Variants in BIRC3 observed in about 807,000 individuals in gnomAD.
BIRC3 encodes the protein baculoviral IAP repeat-containing protein 3.
BIRC3 carries 26 observed loss-of-function variants against 59.0 expected under a neutral mutation model. The ratio of observed to expected loss-of-function variants is 0.44; its 90% CI spans 0.32 to 0.61. The LOEUF (loss-of-function observed/expected upper bound fraction) is 0.61. BIRC3 is among the 20% of genes least tolerant of loss of function. The probability of loss-of-function intolerance (pLI) is 0.04; values close to 1 mark genes in which losing one functional copy is unlikely to be tolerated. For synonymous variants in BIRC3, 243 were observed against 249.2 expected (o/e 0.98, Z 0.24); for missense variants, 641 against 711.5 (o/e 0.90, Z 1.13).
chr11:102,333,198 C>T (rs748713461), intron 6 of BIRC3, among the ~76,000 whole-genome samples: 18 of 151,954 alleles, frequency 1.2e-4, no homozygotes, highest in Non-Finnish European at 2.1e-4. Context: ...TTAATGATTA[C>T]GTTATAGTTT....
Position 102,337,673 on chromosome 11 carries a change from A to T in BIRC3, c.*571A>T, listed in dbSNP as rs967785981. 1 of 305,526 alleles carries T rather than the reference A, an allele frequency of 3.3e-6. No individual in the cohort carries two copies. 18.9% of individuals were successfully genotyped at this position (305,526 alleles called of 1,614,324 possible). A position where few individuals can be genotyped will look rare whatever the true frequency, so the allele number is the denominator to read the frequency against. On this transcript the variant is annotated 3_prime_UTR_variant, in exon 9 of 9. Coordinates refer to ENST00000263464, the MANE Select transcript of BIRC3 (RefSeq NM_001165.5). ...ATATGTTGAATGACATTTTAGGGACATGGTGTTTTTATAAAGAATTCTGTG... is the reference window on the plus strand; with the variant it reads ...ATATGTTGAATGACATTTTAGGGACTTGGTGTTTTTATAAAGAATTCTGTG...
chr11:102,319,104 T>A (rs2135780379), intron 1 of BIRC3, among the ~76,000 whole-genome samples: 1 of 150,208 alleles, frequency 6.7e-6, no homozygotes, highest in African/African-American at 2.5e-5. Flanking sequence ...AGTGCAGTGG[T>A]GCAGTCTCGG....
At position 102,336,075 on chromosome 11, in the gene BIRC3, A is replaced by G. The variant is rs1951193015; in HGVS notation, c.1434A>G (p.Glu478=). 1.9e-6 allele frequency: 3 copies of G among 1,613,954 alleles called. No homozygotes were observed. The East Asian group carries it at 6.7e-5, about 36-fold the overall frequency. Residue 478 remains glutamate (E), a synonymous_variant, in exon 7 of 9, where the codon GAA becomes GAG. Transcript: ENST00000263464. ...LLTAGIINEQ[E]HDVIKQKTQT... is the part of the protein sequence containing the mutation. ...CTGCCGGAATTATTAATGAACAAGA[A>G]CATGATGTTATTAAACAGAAGACAC...
Position 102,328,959 on chromosome 11 carries a change from A to T in BIRC3, c.1081+14A>T, listed in dbSNP as rs770522742. ...CAGAGTCATCAAGTAAGTACAATGG[A>T]TAATAATGAATGCATTTAAATAGAG... On this transcript the variant is annotated intron_variant, in intron 5 of 8. Coordinates refer to ENST00000263464, the MANE Select transcript of BIRC3 (RefSeq NM_001165.5). 9 of 1,430,028 alleles carry T rather than the reference A, an allele frequency of 6.3e-6. No individual in the cohort carries two copies. The highest frequency in any genetic ancestry group is 7.4e-6 in the Non-Finnish European group (8 of 1,075,596). The allele number at this position is 1,430,028 out of a possible 1,614,324, so 88.6% of individuals were successfully genotyped here.
At chr11:102,336,841 C>T in intron 8 of BIRC3, 40 bp downstream of exon 8, 3 of 1,587,240 alleles carry the variant, frequency 1.9e-6, no homozygotes, top group Non-Finnish European at 1.7e-6. Context: ...AGAACATTGT[C>T]TTTATTTTCT....
At position 102,324,933 on chromosome 11, in the gene BIRC3, C is replaced by A. The variant is rs1303042512; in HGVS notation, c.424C>A (p.Pro142Thr). 1 of 1,614,216 alleles carries A rather than the reference C, an allele frequency of 6.2e-7. No homozygotes were observed. The highest frequency in any genetic ancestry group is 1.7e-5 in the Admixed American group (1 of 60,030). The change falls in exon 2 of 9, where the codon CCA (proline) becomes ACA (threonine). Residue 142 changes from proline to threonine, a missense_variant. By Grantham distance (38) the Pro-to-Thr change is conservative. Coordinates refer to ENST00000263464, the MANE Select transcript of BIRC3 (RefSeq NM_001165.5). ...GYFRGSYSNS[P>T]SNPVNSRANQ... ...TTTCCGTGGCTCTTATTCAAACTCTCCATCAAATCCTGTAAACTCCAGAGC... is the reference window on the plus strand; with the variant it reads ...TTTCCGTGGCTCTTATTCAAACTCTACATCAAATCCTGTAAACTCCAGAGC...
chr11:102,320,496 C>T (rs1481555904), intron 1 of BIRC3: 3 of 152,140 alleles, frequency 2.0e-5, no homozygotes, highest in Non-Finnish European at 4.4e-5. Context: ...AACACCTGGG[C>T]TCAAGCAATC....
In BIRC3 at chr11:102,336,163, A is replaced by T. The variant is rs747155453; in HGVS notation, c.1522A>T (p.Thr508Ser). 3.2e-5 allele frequency: 51 copies of T among 1,613,772 alleles called. No individual in the cohort carries two copies. The highest frequency in any genetic ancestry group is 4.2e-5 in the Non-Finnish European group (50 of 1,179,894). Residue 508 changes from threonine (T) to serine (S), a missense_variant, in exon 7 of 9, where the codon ACT becomes TCT. Physicochemically the swap from Thr to Ser is moderately conservative, Grantham distance 58. Transcript: ENST00000263464. ...TTTAGTAAAAGGAAATATTGCAGCC[A>T]CTGTATTCAGAAACTCTCTGCAAGA... ...TILVKGNIAA[T>S]VFRNSLQEAE...
intron 1 of BIRC3, among the ~76,000 whole-genome samples, chr11:102,317,974 T>A (rs1950988385): frequency 6.6e-6 from 1 of 152,188 alleles, no homozygotes; most frequent in Non-Finnish European, 1.5e-5. Context: ...GGACGCATGT[T>A]TCCAAGCGGT....
chr11:102,334,519 T>C (rs1951176753), intron 6 of BIRC3, among the ~76,000 whole-genome samples: 2 of 152,208 alleles, frequency 1.3e-5, no homozygotes, highest in Non-Finnish European at 2.9e-5. Flanking sequence ...TTATTCTTTC[T>C]TAAATGGTTC....
chr11:102,321,783 C>T (rs1951032939), intron 1 of BIRC3, 54 bp from the exon 2 acceptor site: 1 of 175,362 alleles, frequency 5.7e-6, no homozygotes, highest in African/African-American at 2.4e-5. Flanking sequence ...TCATTGTGTT[C>T]CATCCATGAG....
In BIRC3 at chr11:102,338,182, G is replaced by A. The variant is rs1261583930; in HGVS notation, c.*1080G>A. 3 of 227,908 alleles carry A rather than the reference G, an allele frequency of 1.3e-5. No homozygotes were observed. The highest frequency in any genetic ancestry group is 2.6e-5 in the Non-Finnish European group (3 of 114,806). The allele number at this position is 227,908 out of a possible 1,614,324, so 14.1% of individuals were successfully genotyped here. On this transcript the variant is annotated 3_prime_UTR_variant, in exon 9 of 9. Coordinates refer to ENST00000263464, the MANE Select transcript of BIRC3 (RefSeq NM_001165.5). Reference sequence around the variant, plus strand: ...TGTTATTGGTACTCAACACGTCCGAGTCATAACTCTGTCCTTTGCTTCTTA... The same window carrying A: ...TGTTATTGGTACTCAACACGTCCGAATCATAACTCTGTCCTTTGCTTCTTA...
In BIRC3 at chr11:102,336,005, T is replaced by G; in HGVS notation, c.1364T>G (p.Phe455Cys). The G allele has an allele frequency of 6.2e-7, 1 of 1,611,570 alleles. No individual in the cohort carries two copies. The highest frequency in any genetic ancestry group is 8.5e-7 in the Non-Finnish European group (1 of 1,179,030). Residue 455 changes from phenylalanine to cysteine, a missense_variant, in exon 7 of 9, where the codon TTT (phenylalanine) becomes TGT (cysteine). Around this residue, in one of 4 missense-constraint regions of BIRC3, gnomAD observed 268 missense variants for 255.7 expected, o/e 1.05. Coordinates refer to ENST00000263464, the MANE Select transcript of BIRC3 (RefSeq NM_001165.5). ...ATCCGGAAGAATAGAATGGCACTTT[T>G]TCAACATTTGACTTGTGTAATTCCA... ...LLIRKNRMAL[F>C]QHLTCVIPIL...
chr11:102,319,425 T>C (rs1472075553), intron 1 of BIRC3, among the ~76,000 whole-genome samples: 1 of 152,226 alleles, frequency 6.6e-6, no homozygotes, highest in South Asian at 2.1e-4. Flanking sequence ...AAAAGGCCAG[T>C]CGAGAGTGAC....
chr11:102,337,486 C>G lies in BIRC3; in HGVS notation c.*384C>G, dbSNP rs1249485324. On this transcript the variant is annotated 3_prime_UTR_variant, in exon 9 of 9. Transcript: ENST00000263464. ...AGGTGTGGTGGTATGTGCCTGTAGT[C>G]CCAGGCTGAGGCAAGAGAATTACTT... The G allele has an allele frequency of 5.1e-6, 2 of 395,126 alleles. No homozygotes were observed. The highest frequency in any genetic ancestry group is 4.4e-5 in the Admixed American group (1 of 22,570). 24.5% of individuals were successfully genotyped at this position (395,126 alleles called of 1,614,324 possible).
chr11:102,330,112 G>C (rs7942413), intron 5 of BIRC3, among the ~76,000 whole-genome samples: 2,057 of 152,224 alleles, frequency 0.014, 44 homozygotes, highest in African/African-American at 0.046. Context: ...GTCAGAAAAG[G>C]CTTTCCAAAG....
rs558998357 is a variant in BIRC3, at chr11:102,338,455, C to T, written c.*1353C>T. ...CAGATTTACATCACCGGGGAGCCTT[C>T]GTAATGAAGATCCAAAATTACAGGG... On this transcript the variant is annotated 3_prime_UTR_variant, in exon 9 of 9. Coordinates refer to ENST00000263464, the MANE Select transcript of BIRC3 (RefSeq NM_001165.5). 6 of 228,574 alleles carry T rather than the reference C, an allele frequency of 2.6e-5. No individual in the cohort carries two copies. The highest frequency in any genetic ancestry group is 6.6e-5 in the African/African-American group (3 of 45,148). The allele number at this position is 228,574 out of a possible 1,614,324, so 14.2% of individuals were successfully genotyped here. A position where few individuals can be genotyped will look rare whatever the true frequency, so the allele number is the denominator to read the frequency against.
At chr11:102,333,769 AAG>A (rs1166450759) in intron 6 of BIRC3, among the ~76,000 whole-genome samples, 1 of 152,016 alleles carries the variant, frequency 6.6e-6, no homozygotes, top group Admixed American at 6.6e-5. Context: ...TAAATAATAA[AAG>A]AAATTTTATG....
chr11:102,335,921 G>A, intron 6 of BIRC3, 45 bp from the exon 7 acceptor site: 1 of 1,557,482 alleles, frequency 6.4e-7, no homozygotes, highest in South Asian at 1.2e-5. Flanking sequence ...GGAAGTTTGT[G>A]AGCAGAGTTT....
Sources: allele counts gnomAD v4.1 joint callset (sites outside exome capture counted in the v4.1 genomes callset), GRCh38; gene constraint gnomAD v4.1.1; regional missense constraint gnomAD v4.1.1; transcripts MANE v1.5; gene names NCBI Gene and HGNC (gene_info 2026-07-23, HGNC 2026-07-21).